CARMIL2: variants seen among roughly 807,000 people sequenced by gnomAD.
The protein encoded by CARMIL2 is capping protein regulator and myosin 1 linker 2.
In CARMIL2, 96 loss-of-function variants were observed where a neutral mutation model predicts 173.3. The ratio of observed to expected loss-of-function variants is 0.55; its 90% CI spans 0.47 to 0.66. The LOEUF is 0.66. CARMIL2 is among the 30% of genes least tolerant of loss of function. CARMIL2 has a pLI of 0.00. For missense variants in CARMIL2, 1,771 were observed against 1,906.7 expected (o/e 0.93, Z 1.33); for synonymous variants, 830 against 817.1 (o/e 1.02, Z -0.27).
rs934914295 is a variant in CARMIL2, at chr16:67,649,652, C to T, written c.1919+33C>T. The T allele has an allele frequency of 6.4e-7, 1 of 1,562,086 alleles. No homozygotes were observed. The highest frequency in any genetic ancestry group is 1.8e-5 in the Admixed American group (1 of 55,668). On this transcript the variant is annotated intron_variant, in intron 20 of 37. Transcript: ENST00000334583. This position sits in a 1 kb window ranked among gnomAD's most constrained non-coding sequence, Gnocchi z 6.7. ...GGGTCAGAGGGGTGGGACCAGCGGG[C>T]AGGGGGCGCGGTGGAGAGGAGGGCA...
Position 67,652,110 on chromosome 16 carries a change from C to G in CARMIL2, c.2677-89C>G. 6.3e-7 allele frequency: 1 copy of G among 1,596,606 alleles called. No individual in the cohort carries two copies. On this transcript the variant is annotated intron_variant, in intron 26 of 37. Coordinates refer to ENST00000334583, the MANE Select transcript of CARMIL2 (RefSeq NM_001013838.3). The surrounding 1 kb of genome is among the most constrained non-coding windows in gnomAD (Gnocchi z 4.7). ...TGTAATGTCTTCTGGGGTCATGTAG[C>G]CCAGGGCTATTTCAGGGTCCCCTTA...
chr16:67,653,089 G>T lies in CARMIL2; in HGVS notation c.2955G>T (p.Gly985=). The T allele has an allele frequency of 8.2e-7, 1 of 1,223,072 alleles. No individual in the cohort carries two copies. Among genetic ancestry groups the T allele is most frequent in the Non-Finnish European group, 1.0e-6 (1 of 973,160 alleles). 75.8% of individuals were successfully genotyped at this position (1,223,072 alleles called of 1,614,324 possible). Residue 985 remains glycine, a synonymous_variant, in exon 29 of 38, where the codon GGG becomes GGT. Coordinates refer to ENST00000334583, the MANE Select transcript of CARMIL2 (RefSeq NM_001013838.3). This position sits in a 1 kb window ranked among gnomAD's most constrained non-coding sequence, Gnocchi z 7.4. ...APGEDAEPQA[G]PSARGSPSPA... is the part of the protein sequence containing the mutation. ...GAGAAGATGCAGAGCCGCAGGCGGG[G>T]CCGTCCGCGCGCGGCTCTCCGAGCC...
chr16:67,651,508 C>T lies in CARMIL2; in HGVS notation c.2421C>T (p.Asp807=). ...LRQVGEVCRQ[D]IQDFTQATLD... ...AGGTGGGCGAGGTCTGCCGCCAGGA[C>T]ATCCAGGTGAGAGGGTACTCCTGCC... Residue 807 remains aspartate (D), a synonymous_variant, in exon 24 of 38, where the codon GAC becomes GAT. Coordinates refer to ENST00000334583, the MANE Select transcript of CARMIL2 (RefSeq NM_001013838.3). This position sits in a 1 kb window ranked among gnomAD's most constrained non-coding sequence, Gnocchi z 4.2. The T allele has an allele frequency of 2.4e-5, 38 of 1,586,578 alleles. No homozygotes were observed. The highest frequency in any genetic ancestry group is 3.3e-5 in the Non-Finnish European group (38 of 1,166,210).
Position 67,648,231 on chromosome 16 carries a change from C to T in CARMIL2, c.1251C>T (p.Pro417=). 1 of 1,603,536 alleles carries T rather than the reference C, an allele frequency of 6.2e-7. No homozygotes were observed. Among genetic ancestry groups the T allele is most frequent in the Non-Finnish European group, 8.5e-7 (1 of 1,176,404 alleles). Residue 417 remains proline (P), a synonymous_variant, in exon 14 of 38, where the codon CCC becomes CCT. Transcript: ENST00000334583. The surrounding 1 kb of genome is among the most constrained non-coding windows in gnomAD (Gnocchi z 6.1). ...GPPAGVANSL[P]PQLFAAVSRG... The stretch of plus-strand genomic sequence containing the variant: ...CCGCGGGTGTAGCCAACAGCCTCCC[C>T]CCGCAGCTCTTCGCAGCGGTATCCC...
At position 67,653,556 on chromosome 16, in the gene CARMIL2, G is replaced by A. The variant is rs1342828685; in HGVS notation, c.3120+302G>A. On this transcript the variant is annotated intron_variant, in intron 29 of 37. Transcript: ENST00000334583. This position sits in a 1 kb window ranked among gnomAD's most constrained non-coding sequence, Gnocchi z 7.4. ...GGTGTCCGTCCTCCCTCCCTCCCCC[G>A]GGGCTGCTGAGAGATGCCGGGCAGC... Among the ~76,000 whole-genome samples, 2 of 152,156 alleles carry A rather than the reference G, an allele frequency of 1.3e-5. No individual in the cohort carries two copies. Among genetic ancestry groups the A allele is most frequent in the Admixed American group, 1.3e-4 (2 of 15,290 alleles).
rs980849803 is a variant in CARMIL2, at chr16:67,652,762, G to T, written c.2884+224G>T. Among the ~76,000 whole-genome samples the T allele has an allele frequency of 1.3e-5, 2 of 152,032 alleles. No homozygotes were observed. The highest frequency in any genetic ancestry group is 6.6e-5 in the Admixed American group (1 of 15,264). ...CTGGGACAGGACACCGGCTCAGCTCGCCTCCCCGCGCCCCTTTCCCTACCC... is the reference window on the plus strand; with the variant it reads ...CTGGGACAGGACACCGGCTCAGCTCTCCTCCCCGCGCCCCTTTCCCTACCC... On this transcript the variant is annotated intron_variant, in intron 28 of 37. Transcript: ENST00000334583. This position sits in a 1 kb window ranked among gnomAD's most constrained non-coding sequence, Gnocchi z 4.7.
rs1011590977 is a variant in CARMIL2, at chr16:67,653,957, G to C, written c.3121-192G>C. ...GACTGGGTGTGCGGGAGCCAGCAGC[G>C]AGTGAGGAGTGCGTGAAATCTGGAG... On this transcript the variant is annotated intron_variant, in intron 29 of 37. Coordinates refer to ENST00000334583, the MANE Select transcript of CARMIL2 (RefSeq NM_001013838.3). The surrounding 1 kb of genome is among the most constrained non-coding windows in gnomAD (Gnocchi z 7.4). 6.6e-6 allele frequency among the ~76,000 whole-genome samples: 1 copy of C among 152,078 alleles called. No individual in the cohort carries two copies. The highest frequency in any genetic ancestry group is 2.1e-4 in the South Asian group (1 of 4,830).
chr16:67,649,024 C>G lies in CARMIL2; in HGVS notation c.1591+50C>G. The G allele has an allele frequency of 6.2e-7, 1 of 1,601,638 alleles. No individual in the cohort carries two copies. The highest frequency in any genetic ancestry group is 2.3e-5 in the East Asian group (1 of 44,248). ...TCGCATCATCCACTCGATTCCCAAT[C>G]CCCACCCTACCCTTGCAACTTCGCC... On this transcript the variant is annotated intron_variant, in intron 17 of 37. Transcript: ENST00000334583. This position sits in a 1 kb window ranked among gnomAD's most constrained non-coding sequence, Gnocchi z 6.7.
At chr16:67,647,801 GGT>G (rs1597746166) in intron 12 of CARMIL2, 35 bp downstream of exon 12, 3 of 948,474 alleles carry the variant, frequency 3.2e-6, no homozygotes, top group Non-Finnish European at 1.7e-6. Flanking sequence ...AGGGGAGGGG[GGT>G]GGGGGTCTGT....
chr16:67,656,446 A>T lies in CARMIL2; in HGVS notation c.3837A>T (p.Pro1279=). ...CAGACCCTTCCTGCAGACCTGGCCC[A>T]GGGAGCCAGGGGCCTGAGTCTGCCA... The part of the protein sequence containing the change: ...VSADPSCRPG[P]GSQGPESATW... The change falls in exon 35 of 38, where the codon CCA becomes CCT. Residue 1279 remains proline (P), a synonymous_variant. Transcript: ENST00000334583. The T allele has an allele frequency of 6.2e-7, 1 of 1,609,980 alleles. No individual in the cohort carries two copies. The highest frequency in any genetic ancestry group is 1.3e-5 in the African/African-American group (1 of 74,954).
Position 67,656,230 on chromosome 16 carries a change from G to A in CARMIL2, c.3745G>A (p.Asp1249Asn), listed in dbSNP as rs375262246. ...GAGTCCCCAGCTCCGCCTTGCAGGT[G>A]ACATTATGGACAGTTCCACGGAGGC... ...GEIKKAGSDG[D>N]IMDSSTEAPP... Residue 1249 changes from aspartate to asparagine, a missense_variant and splice_region_variant, in exon 34 of 38, where the codon GAC (aspartate) becomes AAC (asparagine). By Grantham distance (23) the Asp-to-Asn change is conservative (BLOSUM62 1). Transcript: ENST00000334583. The A allele has an allele frequency of 2.5e-6, 4 of 1,613,854 alleles. No individual in the cohort carries two copies. The highest frequency in any genetic ancestry group is 3.3e-5 in the Admixed American group (2 of 60,000).
At chr16:67,647,233 TGGGCCAGGGTGCAGCCCGCTGA>T (rs771878714) in intron 9 of CARMIL2, 42 bp downstream of exon 9, 118 of 1,612,306 alleles carry the variant, frequency 7.3e-5, no homozygotes, top group Middle Eastern at 3.3e-4. Context: ...GCCAAGGGTG[TGGGCCAGGGTGCAGCCCGCTGA>T]GGGCCAGGGT....
rs1237829421 is a variant in CARMIL2 at position 67,652,794 on chromosome 16, C to T, written c.2885-225C>T. 6.6e-6 allele frequency among the ~76,000 whole-genome samples: 1 copy of T among 151,808 alleles called. No individual in the cohort carries two copies. The highest frequency in any genetic ancestry group is 1.5e-5 in the Non-Finnish European group (1 of 67,896). On this transcript the variant is annotated intron_variant, in intron 28 of 37. Coordinates refer to ENST00000334583, the MANE Select transcript of CARMIL2 (RefSeq NM_001013838.3). The surrounding 1 kb of genome is among the most constrained non-coding windows in gnomAD (Gnocchi z 4.7). ...CGCGCCCCTTTCCCTACCCCAGGGA[C>T]GCGCATGCTGGGCGGCGGCGCGGAG... is the stretch of plus-strand genomic sequence containing the variant.
chr16:67,651,372 C>T lies in CARMIL2; in HGVS notation c.2314-29C>T, dbSNP rs748068841. 84 of 1,600,970 alleles carry T rather than the reference C, an allele frequency of 5.2e-5. No individual in the cohort carries two copies. The South Asian group carries it at 6.4e-4, about 12-fold the overall frequency. ...TTCCCCTCTTAGTCAGGTGTCAGCT[C>T]GCAACTGCTTTTCCTCTTTGGCCCT... On this transcript the variant is annotated intron_variant, in intron 23 of 37. Transcript: ENST00000334583. The surrounding 1 kb of genome is among the most constrained non-coding windows in gnomAD (Gnocchi z 4.2).
chr16:67,650,253 G>T, intron 22 of CARMIL2, 103 bp downstream of exon 22: 1 of 948,034 alleles, frequency 1.1e-6, no homozygotes, highest in Non-Finnish European at 1.6e-6. Context: ...GGGCCAGGGT[G>T]CCTGAGCCCT....
chr16:67,653,323 G>T lies in CARMIL2; in HGVS notation c.3120+69G>T. The T allele has an allele frequency of 1.3e-6, 1 of 774,854 alleles. No individual in the cohort carries two copies. Among genetic ancestry groups the T allele is most frequent in the Non-Finnish European group, 1.6e-6 (1 of 607,800 alleles). The allele number at this position is 774,854 out of a possible 1,614,324, so 48.0% of individuals were successfully genotyped here. On this transcript the variant is annotated intron_variant, in intron 29 of 37. Coordinates refer to ENST00000334583, the MANE Select transcript of CARMIL2 (RefSeq NM_001013838.3). This position sits in a 1 kb window ranked among gnomAD's most constrained non-coding sequence, Gnocchi z 7.4. ...CACGGGTGGCCCGGCCGCTCCTCAT[G>T]GGTGGTAGCGGTCAAGGAGAGGGGG...
At position 67,654,393 on chromosome 16, in the gene CARMIL2, C is replaced by A; in HGVS notation, c.3283C>A (p.Arg1095=). Residue 1095 remains arginine (R), a synonymous_variant, in exon 31 of 38, where the codon CGA becomes AGA. Coordinates refer to ENST00000334583, the MANE Select transcript of CARMIL2 (RefSeq NM_001013838.3). ...CGCCACTCCTGTCCCCCGTACACTG[C>A]GAAAGAAGCTGGGCACCCTCTTTGC... is the stretch of plus-strand genomic sequence containing the variant. ...GGATPVPRTL[R]KKLGTLFAFK... is the part of the protein sequence containing the mutation. The A allele has an allele frequency of 4.4e-6, 7 of 1,608,686 alleles. No homozygotes were observed. The highest frequency in any genetic ancestry group is 1.3e-5 in the African/African-American group (1 of 74,958).
chr16:67,649,971 G>A lies in CARMIL2; in HGVS notation c.2082+3G>A. 2 of 1,613,396 alleles carry A rather than the reference G, an allele frequency of 1.2e-6. No individual in the cohort carries two copies. Among genetic ancestry groups the A allele is most frequent in the Non-Finnish European group, 1.7e-6 (2 of 1,179,746 alleles). On this transcript the variant is annotated splice_donor_region_variant and intron_variant, in intron 21 of 37. Transcript: ENST00000334583. This position sits in a 1 kb window ranked among gnomAD's most constrained non-coding sequence, Gnocchi z 6.7. ...TGACAGCACGTGCAGTCCATCAGGT[G>A]GGCGTCCCCCTCTTCCCTTGCCCTT...
chr16:67,652,962 T>C lies in CARMIL2; in HGVS notation c.2885-57T>C. The stretch of plus-strand genomic sequence containing the variant: ...GCGGGTCCCCCGCCGCCCTAGCGCC[T>C]CCGCCGCCACCTCCCCGGGCTCGGC... On this transcript the variant is annotated intron_variant, in intron 28 of 37. Coordinates refer to ENST00000334583, the MANE Select transcript of CARMIL2 (RefSeq NM_001013838.3). The surrounding 1 kb of genome is among the most constrained non-coding windows in gnomAD (Gnocchi z 4.7). 1.0e-6 allele frequency: 1 copy of C among 967,818 alleles called. No individual in the cohort carries two copies. Among genetic ancestry groups the C allele is most frequent in the Non-Finnish European group, 1.4e-6 (1 of 737,266 alleles). The allele number at this position is 967,818 out of a possible 1,614,324, so 60.0% of individuals were successfully genotyped here.
Sources: gnomAD v4.1 joint callset for allele counts (sites outside exome capture counted in the v4.1 genomes callset) on GRCh38, gnomAD v4.1.1 for gene constraint, Gnocchi (gnomAD v3.1) non-coding constraint, MANE v1.5 for transcripts, NCBI Gene and HGNC (gene_info 2026-07-23, HGNC 2026-07-21) for gene names.